CUL2: variants seen among roughly 807,000 people sequenced by gnomAD.
CUL2 encodes cullin-2.
CUL2 carries 22 observed loss-of-function variants against 110.2 expected under a neutral mutation model. The ratio of observed to expected loss-of-function variants is 0.20; its 90% CI spans 0.14 to 0.28. The LOEUF (loss-of-function observed/expected upper bound fraction) is 0.28. CUL2 is among the 10% of genes least tolerant of loss of function. The pLI, the probability that CUL2 is intolerant of heterozygous loss-of-function variation, is 1.00. For missense variants in CUL2, 631 were observed against 905.5 expected (o/e 0.70, Z 3.89); for synonymous variants, 279 against 293.2 (o/e 0.95, Z 0.49).
intron 1 of CUL2, among the ~76,000 whole-genome samples, chr10:35,124,351 G>GT (rs1465813157): frequency 6.6e-6 from 1 of 152,102 alleles, no homozygotes; most frequent in Non-Finnish European, 1.5e-5. Flanking sequence ...AGAGGCTAAG[G>GT]TGGAAGGATT....
intron 14 of CUL2, among the ~76,000 whole-genome samples, chr10:35,029,864 T>C (rs570293396): frequency 2.6e-5 from 4 of 152,218 alleles, no homozygotes; most frequent in Admixed American, 6.5e-5. Flanking sequence ...AAAAACCACC[T>C]ATCTAGGAAC....
chr10:35,074,393 C>A, intron 1 of CUL2: 1 of 638,588 alleles, frequency 1.6e-6, no homozygotes, highest in South Asian at 1.8e-5. Context: ...GATTCATACA[C>A]TTGCCTTTAC....
At chr10:35,086,671 T>G (rs2135064561) in intron 1 of CUL2, among the ~76,000 whole-genome samples, 1 of 152,076 alleles carries the variant, frequency 6.6e-6, no homozygotes, top group African/African-American at 2.4e-5. Context: ...GCCCCATCTC[T>G]ACTAAAAATA....
At chr10:35,125,769 C>T (rs908374034) in intron 1 of CUL2, among the ~76,000 whole-genome samples, 1 of 152,218 alleles carries the variant, frequency 6.6e-6, no homozygotes, top group Non-Finnish European at 1.5e-5. Flanking sequence ...AAGAACCTAT[C>T]GTTAAGTGAG....
Position 35,016,468 on chromosome 10 carries a change from T to C in CUL2, c.1685-74A>G, listed in dbSNP as rs143729753. The C allele has an allele frequency of 1.9e-4, 222 of 1,172,476 alleles. 1 individual carries two copies. The African/African-American group carries it at 2.9e-3, about 15-fold the overall frequency. The allele number at this position is 1,172,476 out of a possible 1,614,324, so 72.6% of individuals were successfully genotyped here. A position where few individuals can be genotyped will look rare whatever the true frequency, so the allele number is the denominator to read the frequency against. On this transcript the variant is annotated intron_variant, in intron 17 of 20. Transcript: ENST00000374749. ...TTTCAAATTTACTTTATTTCAGACA[T>C]TTTCTTCGGAAAGAGTGAACCAATA...
chr10:35,043,490 T>C (rs998341127), intron 8 of CUL2, among the ~76,000 whole-genome samples: 4 of 152,178 alleles, frequency 2.6e-5, no homozygotes, highest in African/African-American at 9.7e-5. Context: ...CACAACAGTG[T>C]ATCGGTAAGC....
At chr10:35,049,654 G>A in intron 6 of CUL2, 29 bp downstream of exon 6, 1 of 1,560,358 alleles carries the variant, frequency 6.4e-7, no homozygotes, top group Non-Finnish European at 8.8e-7. Context: ...AAATAAAATT[G>A]ACTCAGTAAG....
chr10:35,112,483 G>A (rs947278673), intron 1 of CUL2, among the ~76,000 whole-genome samples: 7 of 152,160 alleles, frequency 4.6e-5, no homozygotes, highest in Admixed American at 2.0e-4. Context: ...CTAAGTTGAG[G>A]AGATAGATAC....
chr10:35,018,288 C>CAAAA (rs11357517), intron 17 of CUL2, among the ~76,000 whole-genome samples: 9 of 75,240 alleles, frequency 1.2e-4, no homozygotes, highest in African/African-American at 3.7e-4. Flanking sequence ...CTCCATCTCA[C>CAAAA]AAAAAAAAAA....
chr10:35,061,053 T>C (rs1169801753), intron 3 of CUL2, 85 bp from the exon 4 acceptor site: 2 of 1,346,022 alleles, frequency 1.5e-6, no homozygotes, highest in African/African-American at 1.5e-5. Context: ...ATTAATGTTC[T>C]AAAATAATTT....
intron 1 of CUL2, 35 bp from the exon 2 acceptor site, chr10:35,071,374 A>G: frequency 6.4e-7 from 1 of 1,566,854 alleles, no homozygotes; most frequent in African/African-American, 1.4e-5. Context: ...TGTTAGCAAT[A>G]ATTCCATGAG....
rs561664462 is a variant in CUL2, at chr10:35,057,996, G to T, written c.317+2878C>A. 2.9e-4 allele frequency among the ~76,000 whole-genome samples: 44 copies of T among 152,236 alleles called. No homozygotes were observed. In the East Asian group the frequency reaches 6.0e-3, roughly 21 times the overall value. On this transcript the variant is annotated intron_variant, in intron 4 of 20. Coordinates refer to ENST00000374749, the MANE Select transcript of CUL2 (RefSeq NM_003591.4). ...GCCAGTAATCCCAGCTACTCAGGAG[G>T]CTGAGGAAGGAGAATCACTTGAATC... is the stretch of plus-strand genomic sequence containing the variant.
intron 6 of CUL2, among the ~76,000 whole-genome samples, chr10:35,046,187 T>C (rs1363293738): frequency 6.6e-6 from 1 of 152,268 alleles, no homozygotes; most frequent in African/African-American, 2.4e-5. Flanking sequence ...TATCTTGATA[T>C]CACTGACTAG....
intron 8 of CUL2, among the ~76,000 whole-genome samples, chr10:35,043,437 TAATC>T (rs1248898124): frequency 1.3e-5 from 2 of 152,186 alleles, no homozygotes; most frequent in Non-Finnish European, 2.9e-5. Flanking sequence ...AGCAGGAAGA[TAATC>T]AAACAACTAA....
chr10:35,017,955 AAC>A (rs1019638859), intron 17 of CUL2, among the ~76,000 whole-genome samples: 2 of 151,846 alleles, frequency 1.3e-5, no homozygotes, highest in African/African-American at 2.4e-5. Context: ...TTTGACGACT[AAC>A]ACACACACGG....
Position 35,013,313 on chromosome 10 carries a change from C to T in CUL2, c.1989+386G>A, listed in dbSNP as rs962989026. Reference sequence around the variant, plus strand: ...TGAGCCGAGATCACACCACTGCACTCCAGCCTGGGCGAGAGAGCAAGACTC... The same window carrying T: ...TGAGCCGAGATCACACCACTGCACTTCAGCCTGGGCGAGAGAGCAAGACTC... On this transcript the variant is annotated intron_variant, in intron 19 of 20. Transcript: ENST00000374749. Among the ~76,000 whole-genome samples, 6 of 149,754 alleles carry T rather than the reference C, an allele frequency of 4.0e-5. No individual in the cohort carries two copies. The Admixed American group carries it at 4.0e-4, about 10-fold the overall frequency.
chr10:35,054,455 T>C lies in CUL2; in HGVS notation c.402A>G (p.Glu134=), dbSNP rs1427664027. ...CTACCTCTCCTATTTCCATAAGTGGTTCATTCATATCTACACCACCATAGC... is the reference window on the plus strand; with the variant it reads ...CTACCTCTCCTATTTCCATAAGTGGCTCATTCATATCTACACCACCATAGC... The part of the protein sequence containing the change: ...QYGYGGVDMN[E]PLMEIGELAL... The change falls in exon 5 of 21, where the codon GAA becomes GAG. Residue 134 remains glutamate (E), a synonymous_variant. Coordinates refer to ENST00000374749, the MANE Select transcript of CUL2 (RefSeq NM_003591.4). 2.5e-6 allele frequency: 4 copies of C among 1,579,700 alleles called. No individual in the cohort carries two copies. Among genetic ancestry groups the C allele is most frequent in the Non-Finnish European group, 3.4e-6 (4 of 1,161,928 alleles).
chr10:35,107,649 G>A (rs1247361984), intron 1 of CUL2, among the ~76,000 whole-genome samples: 1 of 151,752 alleles, frequency 6.6e-6, no homozygotes, highest in South Asian at 2.1e-4. Context: ...TAGGGAGGCC[G>A]AGGCGGGTGA....
At chr10:35,019,107 T>C (rs536677670) in intron 17 of CUL2, among the ~76,000 whole-genome samples, 1 of 152,364 alleles carries the variant, frequency 6.6e-6, no homozygotes, top group Admixed American at 6.5e-5. Context: ...AAACATTACA[T>C]AAATTGCATT....
Sources: gnomAD v4.1 joint callset for allele counts (sites outside exome capture counted in the v4.1 genomes callset) on GRCh38, gnomAD v4.1.1 for gene constraint, MANE v1.5 for transcripts, NCBI Gene and HGNC (gene_info 2026-07-23, HGNC 2026-07-21) for gene names.